CLCN6: variants seen among roughly 807,000 people sequenced by gnomAD.
CLCN6 encodes the protein H(+)/Cl(-) exchange transporter 6.
A neutral mutation model predicts 109.8 loss-of-function variants in CLCN6; 70 were observed. That is an observed-to-expected ratio of 0.64 (90% CI 0.53 to 0.78). CLCN6 has a LOEUF of 0.78. Ranked by LOEUF, CLCN6 falls within the 30% of genes least tolerant of loss-of-function variation. The pLI, the probability that CLCN6 is intolerant of heterozygous loss-of-function variation, is 0.00. For synonymous variants in CLCN6, 444 were observed against 447.8 expected (o/e 0.99, Z 0.11); for missense variants, 984 against 1,142.3 (o/e 0.86, Z 2.00).
intron 14 of CLCN6, 71 bp from the exon 15 acceptor site, chr1:11,833,806 C>T (rs1198920299): frequency 3.2e-6 from 5 of 1,565,350 alleles, no homozygotes; most frequent in East Asian, 2.2e-5. Flanking sequence ...GGGGTGTGGT[C>T]GGGCCCGGTA....
chr1:11,823,620 C>T, intron 6 of CLCN6, 87 bp from the exon 7 acceptor site: 4 of 1,571,108 alleles, frequency 2.5e-6, no homozygotes, highest in Non-Finnish European at 2.6e-6. Context: ...GTGGCCAGCT[C>T]TCCCTCTTCC....
intron 13 of CLCN6, among the ~76,000 whole-genome samples, chr1:11,830,634 C>G (rs1046586752): frequency 2.0e-5 from 3 of 151,322 alleles, no homozygotes; most frequent in African/African-American, 7.3e-5. Flanking sequence ...CAACTGTACT[C>G]TTTCCTTGTT....
At chr1:11,830,809 CA>C (rs1644873928) in intron 13 of CLCN6, among the ~76,000 whole-genome samples, 1 of 132,576 alleles carries the variant, frequency 7.5e-6, no homozygotes, top group Non-Finnish European at 1.6e-5. Context: ...CACACACACA[CA>C]CACAAACACA....
In CLCN6 at chr1:11,806,278, G is replaced by A. The variant is rs1307720597; in HGVS notation, c.16G>A (p.Gly6Arg). MAGCRGSLCCCCRWCC... is the reference protein window; with the variant it reads MAGCRRSLCCCCRWCC... ...AAGGAGGAAGATGGCGGGGTGCAGG[G>A]GGTCTCTGTGCTGCTGCTGCAGGTG... The change falls in exon 1 of 23, where the codon GGG becomes AGG. Residue 6 changes from glycine to arginine, a missense_variant. By Grantham distance (125) the Gly-to-Arg change is moderately radical (BLOSUM62 -2). Transcript: ENST00000346436. The A allele has an allele frequency of 2.7e-6, 4 of 1,493,168 alleles. No homozygotes were observed. The highest frequency in any genetic ancestry group is 2.7e-5 in the East Asian group (1 of 36,694). The allele number at this position is 1,493,168 out of a possible 1,614,324, so 92.5% of individuals were successfully genotyped here.
intron 3 of CLCN6, 52 bp downstream of exon 3, chr1:11,815,963 A>ATTTTTTT: frequency 1.4e-6 from 2 of 1,399,548 alleles, no homozygotes; most frequent in African/African-American, 2.9e-5. Context: ...TTAACATGGC[A>ATTTTTTT]TTTTTTTTCT....
rs1222219947 is a variant in CLCN6, at chr1:11,822,692, C to T, written c.347-3C>T. 1.2e-6 allele frequency: 2 copies of T among 1,602,268 alleles called. No individual in the cohort carries two copies. The highest frequency in any genetic ancestry group is 1.1e-5 in the South Asian group (1 of 90,828). ...ACAAGTTTCCTTAACCCAGTTTCCG[C>T]AGCGGTGGAGGAGTGCAGCCAGAAA... On this transcript the variant is annotated splice_polypyrimidine_tract_variant and splice_region_variant and intron_variant, in intron 5 of 22. Transcript: ENST00000346436.
intron 2 of CLCN6, among the ~76,000 whole-genome samples, chr1:11,814,467 C>T (rs991208498): frequency 1.3e-5 from 2 of 151,888 alleles, no homozygotes; most frequent in African/African-American, 2.4e-5. Flanking sequence ...AGGCTGGTCT[C>T]GAACTTCTGG....
In CLCN6 at chr1:11,834,057, CGCATGT is replaced by C; in HGVS notation, c.1526+35_1526+40del. 6.2e-7 allele frequency: 1 copy of C among 1,610,304 alleles called. No individual in the cohort carries two copies. On this transcript the variant is annotated intron_variant, in intron 15 of 22. Transcript: ENST00000346436. This position sits in a 1 kb window ranked among gnomAD's most constrained non-coding sequence, Gnocchi z 4.5. Reference sequence around the variant, plus strand: ...TACTCTGTGTGTGTGCGTGTGTGTGCGCATGTGCATGTGTGTGCACGTGTGCGTGTG... The same window carrying C: ...TACTCTGTGTGTGTGCGTGTGTGTGCGCATGTGTGTGCACGTGTGCGTGTG...
intron 5 of CLCN6, chr1:11,820,688 A>C: frequency 3.9e-6 from 1 of 254,718 alleles, no homozygotes; most frequent in Non-Finnish European, 7.7e-6. Context: ...AATGGCATGA[A>C]CCTGGGAGGC....
At chr1:11,811,074 G>C in intron 2 of CLCN6, among the ~76,000 whole-genome samples, 1 of 152,042 alleles carries the variant, frequency 6.6e-6, no homozygotes, top group Admixed American at 6.6e-5. Context: ...TTAACGAGGT[G>C]TGGTGGCTAA....
At position 11,811,985 on chromosome 1, in the gene CLCN6, G is replaced by A. The variant is rs191451160; in HGVS notation, c.148-3861G>A. ...CGGAACACTGCTAACACCGATATGT[G>A]GAGGTTGTTTCCCCACTACTCAGGA... is the stretch of plus-strand genomic sequence containing the variant. On this transcript the variant is annotated intron_variant, in intron 2 of 22. Coordinates refer to ENST00000346436, the MANE Select transcript of CLCN6 (RefSeq NM_001286.5). Among the ~76,000 whole-genome samples the A allele has an allele frequency of 4.6e-4, 70 of 152,250 alleles. 1 individual carries two copies. The highest frequency in any genetic ancestry group is 1.6e-3 in the African/African-American group (65 of 41,546).
chr1:11,832,700 A>G (rs75297615), intron 13 of CLCN6, among the ~76,000 whole-genome samples: 5,646 of 152,332 alleles, frequency 0.037, 156 homozygotes, highest in Middle Eastern at 0.078. Flanking sequence ...AGCCTTGATT[A>G]ACCTTTGTAA....
In CLCN6 at chr1:11,807,209, G is replaced by T; in HGVS notation, c.147+19G>T. ...CTATGAGGTGAGCTCCTTTGATACT[G>T]CTTGGGCAACTAAAGTAGTGAGTGG... On this transcript the variant is annotated intron_variant, in intron 2 of 22. Coordinates refer to ENST00000346436, the MANE Select transcript of CLCN6 (RefSeq NM_001286.5). The T allele has an allele frequency of 6.2e-7, 1 of 1,609,904 alleles. No individual in the cohort carries two copies. The highest frequency in any genetic ancestry group is 8.5e-7 in the Non-Finnish European group (1 of 1,176,186).
intron 6 of CLCN6, 130 bp from the exon 7 acceptor site, chr1:11,823,577 G>A (rs898181369): frequency 3.3e-6 from 4 of 1,217,368 alleles, no homozygotes; most frequent in African/African-American, 3.0e-5. Flanking sequence ...GGTTCTGCAA[G>A]CCCTCCAGGT....
At chr1:11,822,488 C>T (rs1179588329) in intron 5 of CLCN6, among the ~76,000 whole-genome samples, 1 of 152,198 alleles carries the variant, frequency 6.6e-6, no homozygotes, top group Non-Finnish European at 1.5e-5. Flanking sequence ...AGTGATCCTC[C>T]TGCCTCAGCC....
At chr1:11,823,286 G>A (rs983958213) in intron 6 of CLCN6, among the ~76,000 whole-genome samples, 2 of 150,886 alleles carry the variant, frequency 1.3e-5, no homozygotes, top group Non-Finnish European at 3.0e-5. Flanking sequence ...GAGAAACCCT[G>A]TCTCTAGTAA....
chr1:11,829,844 C>G (rs1230304635), intron 13 of CLCN6: 1 of 157,960 alleles, frequency 6.3e-6, no homozygotes, highest in Admixed American at 6.5e-5. Flanking sequence ...TCATGGGAAA[C>G]AGACACTTGG....
chr1:11,818,151 T>G (rs1013720309), intron 4 of CLCN6, among the ~76,000 whole-genome samples: 6 of 152,066 alleles, frequency 3.9e-5, no homozygotes, highest in African/African-American at 1.4e-4. Flanking sequence ...TATTTTGCTA[T>G]ATATGTTTCT....
intron 4 of CLCN6, 31 bp downstream of exon 4, chr1:11,816,711 GC>G: frequency 6.3e-7 from 1 of 1,586,322 alleles, no homozygotes; most frequent in Non-Finnish European, 8.6e-7. Context: ...GGGATGGTGG[GC>G]CATAGGGCTG....
Sources: allele counts gnomAD v4.1 joint callset (sites outside exome capture counted in the v4.1 genomes callset), GRCh38; gene constraint gnomAD v4.1.1; non-coding constraint Gnocchi (gnomAD v3.1); transcripts MANE v1.5; gene names NCBI Gene and HGNC (gene_info 2026-07-23, HGNC 2026-07-21).